The following CDC20B variants were observed in gnomAD, a reference collection of about 807,000 sequenced individuals.
The protein encoded by CDC20B is cell division cycle protein 20 homolog B.
A neutral mutation model predicts 64.1 loss-of-function variants in CDC20B; 58 were observed. The observed-to-expected ratio is 0.90, with a 90% CI of 0.73 to 1.13. The LOEUF (loss-of-function observed/expected upper bound fraction) is 1.13, where lower values mean the gene tolerates loss of function less well. Among genes scored for constraint, CDC20B ranks in the 50% most tolerant of loss-of-function variants. The probability of loss-of-function intolerance (pLI) is 0.00; values close to 1 mark genes in which losing one functional copy is unlikely to be tolerated. For synonymous variants in CDC20B, 243 were observed against 230.6 expected (o/e 1.05, Z -0.49); for missense variants, 597 against 633.0 (o/e 0.94, Z 0.61).
rs958340541 is a variant in CDC20B, at chr5:55,144,363, T to C, written c.356-720A>G. On this transcript the variant is annotated intron_variant, in intron 3 of 11. Transcript: ENST00000381375. ...CAGACTTTCAACTGCCCTGGAAACC[T>C]GTCAAGTCATTCTCTAAAACTAAAT... Among the ~76,000 whole-genome samples the C allele has an allele frequency of 2.6e-5, 4 of 152,334 alleles. No individual in the cohort carries two copies. In the East Asian group the frequency reaches 5.8e-4, roughly 22 times the overall value.
chr5:55,117,076 C>T (rs560049726), intron 11 of CDC20B, among the ~76,000 whole-genome samples: 2 of 152,124 alleles, frequency 1.3e-5, no homozygotes, highest in Non-Finnish European at 2.9e-5. Context: ...ATAAATGAGA[C>T]CACATATTGA....
chr5:55,114,653 T>C lies in CDC20B; in HGVS notation c.1460-335A>G, dbSNP rs1742583569. On this transcript the variant is annotated intron_variant, in intron 11 of 11. Coordinates refer to ENST00000381375, the MANE Select transcript of CDC20B (RefSeq NM_001170402.1). The surrounding 1 kb of genome is among the most constrained non-coding windows in gnomAD (Gnocchi z 4.1). Reference sequence around the variant, plus strand: ...TGAAATCATGGGGTCACAGGGGCTGTGCTCCCTAGGGAGGCTCTCGAGGGG... The same window carrying C: ...TGAAATCATGGGGTCACAGGGGCTGCGCTCCCTAGGGAGGCTCTCGAGGGG... 6.6e-6 allele frequency among the ~76,000 whole-genome samples: 1 copy of C among 152,108 alleles called. No homozygotes were observed. The highest frequency in any genetic ancestry group is 1.5e-5 in the Non-Finnish European group (1 of 67,990).
chr5:55,168,985 T>C (rs1744503773), intron 2 of CDC20B, among the ~76,000 whole-genome samples: 1 of 151,940 alleles, frequency 6.6e-6, no homozygotes, highest in African/African-American at 2.4e-5. Flanking sequence ...AAAATAAAGT[T>C]GGCATTTTAT....
In CDC20B at chr5:55,164,961, T is replaced by C. The variant is rs1257338038; in HGVS notation, c.126+7627A>G. On this transcript the variant is annotated intron_variant, in intron 2 of 11. Transcript: ENST00000381375. ...ATTATTTTTTAGAAGCAACTCAAATTCTGTAATCATAATATTACCAAGTAA... is the reference window on the plus strand; with the variant it reads ...ATTATTTTTTAGAAGCAACTCAAATCCTGTAATCATAATATTACCAAGTAA... 5 of 152,214 alleles carry C rather than the reference T, an allele frequency of 3.3e-5. 1 individual carries two copies. The allele number at this position is 152,214 out of a possible 1,614,324, so 9.4% of individuals were successfully genotyped here.
At chr5:55,131,856 G>A (rs1317745876) in intron 6 of CDC20B, among the ~76,000 whole-genome samples, 3 of 152,184 alleles carry the variant, frequency 2.0e-5, no homozygotes, top group Non-Finnish European at 4.4e-5. Flanking sequence ...CTTGAGGTCA[G>A]GAGTTCGAGA....
intron 6 of CDC20B, among the ~76,000 whole-genome samples, chr5:55,129,264 G>A (rs143989680): frequency 1.3e-4 from 19 of 151,950 alleles, no homozygotes; most frequent in African/African-American, 3.9e-4. Flanking sequence ...AATACATTCC[G>A]TCCCCATGAT....
At chr5:55,122,007 C>T (rs80248266) in intron 9 of CDC20B, among the ~76,000 whole-genome samples, 3,233 of 152,270 alleles carry the variant, frequency 0.021, 44 homozygotes, top group Non-Finnish European at 0.035. Flanking sequence ...TTCTCCACTC[C>T]TTCTGTAAAA....
chr5:55,113,449 G>C lies in CDC20B; in HGVS notation c.*769C>G, dbSNP rs1014715970. Reference sequence around the variant, plus strand: ...TTGTCCTTGAGAGTTGATGAGCAGGGGACTGAGAGGATCAGCACAGGACTT... The same window carrying C: ...TTGTCCTTGAGAGTTGATGAGCAGGCGACTGAGAGGATCAGCACAGGACTT... On this transcript the variant is annotated 3_prime_UTR_variant, in exon 12 of 12. Transcript: ENST00000381375. The C allele has an allele frequency of 6.6e-6, 1 of 152,472 alleles. No individual in the cohort carries two copies. The highest frequency in any genetic ancestry group is 2.4e-5 in the African/African-American group (1 of 41,436). 9.4% of individuals were successfully genotyped at this position (152,472 alleles called of 1,614,324 possible).
rs1742569057 is a variant in CDC20B at position 55,114,111 on chromosome 5, AG to A, written c.*106del. On this transcript the variant is annotated 3_prime_UTR_variant, in exon 12 of 12. Transcript: ENST00000381375. The surrounding 1 kb of genome is among the most constrained non-coding windows in gnomAD (Gnocchi z 4.1). ...GAGAACAGGCATTCACATCAAGAAG[AG>A]TATTTCAACTTGTTTGATACTCATA... 1 of 1,451,304 alleles carries A rather than the reference AG, an allele frequency of 6.9e-7. No homozygotes were observed. 89.9% of individuals were successfully genotyped at this position (1,451,304 alleles called of 1,614,324 possible).
intron 3 of CDC20B, among the ~76,000 whole-genome samples, chr5:55,144,727 AG>A (rs1743423881): frequency 6.6e-6 from 1 of 152,212 alleles, no homozygotes; most frequent in Admixed American, 6.5e-5. Flanking sequence ...AGAAAGAAAA[AG>A]TTGCAGTCAG....
chr5:55,125,097 C>T, intron 8 of CDC20B, 69 bp from the exon 9 acceptor site: 2 of 1,319,734 alleles, frequency 1.5e-6, no homozygotes, highest in Non-Finnish European at 2.1e-6. Context: ...TGGAGGAAAG[C>T]ATAGTTCAAA....
Position 55,160,256 on chromosome 5 carries a change from T to C in CDC20B, c.126+12332A>G, listed in dbSNP as rs1743967656. ...GCCCAGAGCAAAGGTATTTGCAGTT[T>C]TGCTGTCTATAGTTCTATGCACAGT... is the stretch of plus-strand genomic sequence containing the variant. On this transcript the variant is annotated intron_variant, in intron 2 of 11. Transcript: ENST00000381375. The C allele has an allele frequency of 3.1e-6, 5 of 1,614,122 alleles. No homozygotes were observed. The East Asian group carries it at 1.1e-4, about 36-fold the overall frequency.
rs756363853 is a variant in CDC20B, at chr5:55,161,159, T to A, written c.126+11429A>T. On this transcript the variant is annotated intron_variant, in intron 2 of 11. Transcript: ENST00000381375. ...GCCCCGCCCAAGCAAGGAAGTAGAA[T>A]CTTTTGCAAGAAAAAACTACGGAGT... 58 of 1,614,110 alleles carry A rather than the reference T, an allele frequency of 3.6e-5. No homozygotes were observed. The highest frequency in any genetic ancestry group is 4.7e-5 in the Non-Finnish European group (56 of 1,180,046).
At chr5:55,160,288 A>G in intron 2 of CDC20B, 7 of 1,613,736 alleles carry the variant, frequency 4.3e-6, no homozygotes, top group Non-Finnish European at 4.2e-6. Flanking sequence ...CAGTAACGCT[A>G]TTTCTTCTAC....
intron 2 of CDC20B, chr5:55,164,272 C>T (rs950802917): frequency 2.1e-5 from 28 of 1,357,212 alleles, no homozygotes; most frequent in Middle Eastern, 3.9e-4. Context: ...AGGGTTTGGT[C>T]TCATTTTAAA....
At chr5:55,120,605 A>C in intron 9 of CDC20B, 55 bp from the exon 10 acceptor site, 1 of 1,597,644 alleles carries the variant, frequency 6.3e-7, no homozygotes, top group Non-Finnish European at 8.5e-7. Flanking sequence ...AGGTGCACTC[A>C]TGAATGTGAT....
chr5:55,141,646 A>T (rs1425303725), intron 4 of CDC20B, among the ~76,000 whole-genome samples: 1 of 152,198 alleles, frequency 6.6e-6, no homozygotes, highest in African/African-American at 2.4e-5. Flanking sequence ...CACGGTTCAG[A>T]CAGAAGTCTC....
At chr5:55,132,096 G>T (rs1743047190) in intron 6 of CDC20B, among the ~76,000 whole-genome samples, 1 of 152,074 alleles carries the variant, frequency 6.6e-6, no homozygotes, top group African/African-American at 2.4e-5. Flanking sequence ...GTGGCTTAAA[G>T]GAAAAATGGG....
At chr5:55,168,502 T>C (rs1415153925) in intron 2 of CDC20B, among the ~76,000 whole-genome samples, 8 of 152,266 alleles carry the variant, frequency 5.3e-5, no homozygotes, top group African/African-American at 1.9e-4. Flanking sequence ...GTATCTTCAC[T>C]TTCCTCCTAA....
Sources: gnomAD v4.1 joint callset for allele counts (sites outside exome capture counted in the v4.1 genomes callset) on GRCh38, gnomAD v4.1.1 for gene constraint, Gnocchi (gnomAD v3.1) non-coding constraint, MANE v1.5 for transcripts, NCBI Gene and HGNC (gene_info 2026-07-23, HGNC 2026-07-21) for gene names.